REDIC1: variants seen among roughly 807,000 people sequenced by gnomAD.
REDIC1 encodes the protein regulator of DNA class I crossover intermediates 1, also known as HEI10 Interacting Protein 1.
At chr12:39,849,192 C>T in the REDIC1 span, among the ~76,000 whole-genome samples, 1 of 151,784 alleles carries the variant, frequency 6.6e-6, no homozygotes, top group South Asian at 2.1e-4. Flanking sequence ...AAAAAAAATT[C>T]AAAAAAAGAA....
the REDIC1 span, among the ~76,000 whole-genome samples, chr12:39,896,927 GA>G: frequency 6.6e-6 from 1 of 152,102 alleles, no homozygotes; most frequent in African/African-American, 2.4e-5. Flanking sequence ...ACTTCCCAGA[GA>G]ATGAAGTAGA....
At chr12:39,721,925 G>A in the REDIC1 span, 16 of 152,050 alleles carry the variant, frequency 1.1e-4, no homozygotes, top group East Asian at 3.1e-3. Flanking sequence ...TTTTAGTGTT[G>A]CTAAGATTCT....
At chr12:39,748,744 T>A in the REDIC1 span, among the ~76,000 whole-genome samples, 1 of 152,144 alleles carries the variant, frequency 6.6e-6, no homozygotes, top group East Asian at 1.9e-4. Flanking sequence ...GCAGCCAAAC[T>A]AGAACTGAAG....
the REDIC1 span, among the ~76,000 whole-genome samples, chr12:39,743,160 A>G: frequency 6.6e-6 from 1 of 152,206 alleles, no homozygotes; most frequent in African/African-American, 2.4e-5. Context: ...CCTGTCCTCA[A>G]GAGAAATTGT....
chr12:39,821,421 AT>A, the REDIC1 span, among the ~76,000 whole-genome samples: 11 of 151,576 alleles, frequency 7.3e-5, no homozygotes, highest in Non-Finnish European at 1.5e-5. Context: ...AAAAAAAAAA[AT>A]TTTTTTTTGT....
At chr12:39,872,058 AAGG>A in the REDIC1 span, 5 of 1,027,642 alleles carry the variant, frequency 4.9e-6, no homozygotes, top group East Asian at 3.0e-5. Flanking sequence ...AAAAAAATAT[AAGG>A]AGAACTACAG....
the REDIC1 span, among the ~76,000 whole-genome samples, chr12:39,900,958 C>A: frequency 1.3e-5 from 2 of 152,072 alleles, no homozygotes; most frequent in Non-Finnish European, 2.9e-5. Context: ...GCAACAGTAA[C>A]CAAAACAGCA....
At chr12:39,808,155 T>C in the REDIC1 span, among the ~76,000 whole-genome samples, 1 of 152,126 alleles carries the variant, frequency 6.6e-6, no homozygotes, top group African/African-American at 2.4e-5. Context: ...TTCTGGTCAA[T>C]AGAGATTGGG....
the REDIC1 span, among the ~76,000 whole-genome samples, chr12:39,730,297 G>A: frequency 3.9e-5 from 6 of 152,148 alleles, no homozygotes; most frequent in African/African-American, 1.2e-4. Context: ...GCTGCTACCG[G>A]TTTCTCCTTT....
chr12:39,678,740 A>G, the REDIC1 span, among the ~76,000 whole-genome samples: 1 of 152,106 alleles, frequency 6.6e-6, no homozygotes, highest in South Asian at 2.1e-4. Context: ...TATCCAAAAG[A>G]TAATACATCA....
At chr12:39,783,830 C>T in the REDIC1 span, among the ~76,000 whole-genome samples, 2 of 152,130 alleles carry the variant, frequency 1.3e-5, no homozygotes, top group Non-Finnish European at 2.9e-5. Flanking sequence ...AAAACCCCAT[C>T]GTCGCAGCCT....
chr12:39,853,840 A>C, the REDIC1 span, among the ~76,000 whole-genome samples: 3 of 152,072 alleles, frequency 2.0e-5, no homozygotes, highest in Non-Finnish European at 4.4e-5. Flanking sequence ...TGGCCACTAA[A>C]TACCTCTGAA....
the REDIC1 span, among the ~76,000 whole-genome samples, chr12:39,861,817 C>G: frequency 3.9e-5 from 6 of 152,096 alleles, no homozygotes; most frequent in African/African-American, 1.2e-4. Flanking sequence ...TTGCATCTGT[C>G]TTTATCTTTG....
the REDIC1 span, among the ~76,000 whole-genome samples, chr12:39,719,756 T>C: frequency 6.6e-6 from 1 of 152,204 alleles, no homozygotes; most frequent in Non-Finnish European, 1.5e-5. Context: ...CCTTTTATTT[T>C]TTATTGATGT....
chr12:39,727,763 T>C, the REDIC1 span, among the ~76,000 whole-genome samples: 6 of 152,344 alleles, frequency 3.9e-5, no homozygotes, highest in Admixed American at 2.0e-4. Context: ...ATTTTCACAA[T>C]ATTGATTCTT....
At chr12:39,858,946 C>T in the REDIC1 span, among the ~76,000 whole-genome samples, 7 of 152,110 alleles carry the variant, frequency 4.6e-5, no homozygotes, top group African/African-American at 1.7e-4. Flanking sequence ...GTTTTATGAT[C>T]GAATCTGACA....
the REDIC1 span, among the ~76,000 whole-genome samples, chr12:39,773,240 C>A: frequency 2.0e-5 from 3 of 152,122 alleles, no homozygotes; most frequent in African/African-American, 7.2e-5. Context: ...GCTCAGAGGG[C>A]ACTGCAGTGG....
chr12:39,657,928 G>A, the REDIC1 span, among the ~76,000 whole-genome samples: 2 of 150,954 alleles, frequency 1.3e-5, no homozygotes, highest in Non-Finnish European at 3.0e-5. Context: ...TTTCCTCTGC[G>A]TTTTCTAGTT....
the REDIC1 span, among the ~76,000 whole-genome samples, chr12:39,692,567 C>A: frequency 1.3e-5 from 2 of 151,378 alleles, no homozygotes; most frequent in African/African-American, 4.8e-5. Context: ...TTATATTTTA[C>A]AGTTCATCTG....
Sources: gnomAD v4.1 joint callset for allele counts (sites outside exome capture counted in the v4.1 genomes callset) on GRCh38, gnomAD v4.1.1 for gene constraint, MANE v1.5 for transcripts, NCBI Gene and HGNC (gene_info 2026-07-23, HGNC 2026-07-21) for gene names.